The following PCSK6 variants were observed in gnomAD, a reference collection of about 807,000 sequenced individuals.
PCSK6 encodes proprotein convertase subtilisin/kexin type 6.
PCSK6 carries 85 observed loss-of-function variants against 123.3 expected under a neutral mutation model. The ratio of observed to expected loss-of-function variants is 0.69; its 90% CI spans 0.58 to 0.83. The LOEUF (loss-of-function observed/expected upper bound fraction) is 0.83, where lower values mean the gene tolerates loss of function less well. Among genes scored for constraint, PCSK6 ranks in the 40% least tolerant of loss-of-function variants. The pLI is 0.00. For synonymous variants in PCSK6, 508 were observed against 516.0 expected (o/e 0.98, Z 0.21); for missense variants, 1,191 against 1,282.3 (o/e 0.93, Z 1.09).
At chr15:101,395,954 C>A (rs577163587) in intron 7 of PCSK6, among the ~76,000 whole-genome samples, 1 of 152,168 alleles carries the variant, frequency 6.6e-6, no homozygotes, top group South Asian at 2.1e-4. Flanking sequence ...CTCTCACCGC[C>A]GGGCCACATC....
intron 13 of PCSK6, among the ~76,000 whole-genome samples, chr15:101,341,586 C>T (rs1189773921): frequency 6.6e-6 from 1 of 152,062 alleles, no homozygotes; most frequent in Non-Finnish European, 1.5e-5. Flanking sequence ...TTTTAAAGTG[C>T]TGGAATAAAT....
At chr15:101,317,113 T>C (rs140920800) in intron 19 of PCSK6, among the ~76,000 whole-genome samples, 195 of 152,240 alleles carry the variant, frequency 1.3e-3, no homozygotes, top group African/African-American at 4.1e-3. Context: ...GGTTTCACCA[T>C]GTTGGCCAGG....
At chr15:101,375,707 C>T (rs546574337) in intron 11 of PCSK6, among the ~76,000 whole-genome samples, 3 of 152,132 alleles carry the variant, frequency 2.0e-5, no homozygotes, top group African/African-American at 7.2e-5. Context: ...CAAGGCAACA[C>T]CGCCTGTTGG....
intron 1 of PCSK6, among the ~76,000 whole-genome samples, chr15:101,447,591 G>A (rs7179810): frequency 0.03 from 4,591 of 152,304 alleles, 221 homozygotes; most frequent in African/African-American, 0.1. Flanking sequence ...CCTCTTCAGG[G>A]TCAAATGGAC....
chr15:101,489,625 G>A lies in PCSK6; in HGVS notation c.46C>T (p.Arg16Trp). Residue 16 changes from arginine (R) to tryptophan (W), a missense_variant, in exon 1 of 22, where the codon CGG (arginine) becomes TGG (tryptophan). Around this residue, in one of 3 missense-constraint regions of PCSK6, gnomAD observed 204 missense variants for 166.4 expected, o/e 1.23. Transcript: ENST00000611716. The stretch of plus-strand genomic sequence containing the variant: ...GCGGTGTCGGTGGCGGCGGCGGCCC[G>A]GGGCGGCGGCCGGGGCCCGGGCGCA... ...PPAPGPRPPP[R>W]AAAATDTAAG... The A allele has an allele frequency of 2.1e-6, 2 of 973,096 alleles. No individual in the cohort carries two copies. The highest frequency in any genetic ancestry group is 2.4e-6 in the Non-Finnish European group (2 of 824,082). 60.3% of individuals were successfully genotyped at this position (973,096 alleles called of 1,614,324 possible).
intron 13 of PCSK6, among the ~76,000 whole-genome samples, chr15:101,352,920 G>A (rs1406363453): frequency 2.0e-5 from 3 of 152,160 alleles, no homozygotes; most frequent in Non-Finnish European, 2.9e-5. Context: ...TCTATTCCAA[G>A]TACCTATTGC....
intron 2 of PCSK6, among the ~76,000 whole-genome samples, chr15:101,441,313 G>C (rs1363104423): frequency 2.0e-5 from 3 of 152,058 alleles, no homozygotes; most frequent in Admixed American, 2.0e-4. Context: ...AGCAGCTCAG[G>C]TGCTGCAGAG....
rs34631529 is a variant in PCSK6, at chr15:101,305,277, G to A, written c.2891C>T (p.Thr964Met). 6,758 of 1,611,692 alleles carry A rather than the reference G, an allele frequency of 4.2e-3. 20 individuals carry two copies. Among genetic ancestry groups the A allele is most frequent in the Non-Finnish European group, 5.0e-3 (5,896 of 1,179,562 alleles). Residue 964 changes from threonine (T) to methionine (M), a missense_variant, in exon 22 of 22, where the codon ACG becomes ATG. By Grantham distance (81) the Thr-to-Met change is moderately conservative. This residue lies in a region of PCSK6 where 630 missense variants were observed against 631.4 expected (regional missense o/e 1.00). Transcript: ENST00000611716. The surrounding 1 kb of genome is among the most constrained non-coding windows in gnomAD (Gnocchi z 4.8). ...RKLFIQFCCR[T>M]CLLAG ...GCACCCTTACCCGGCCAGGAGGCAC[G>A]TGCGGCAGCAGAACTGAATGAAGAG...
chr15:101,313,029 A>C, intron 20 of PCSK6: 1 of 1,185,882 alleles, frequency 8.4e-7, no homozygotes, highest in South Asian at 1.8e-5. Flanking sequence ...TTTAACCCAA[A>C]ACATGGTTTC....
chr15:101,375,388 T>C (rs1209568177), intron 11 of PCSK6, among the ~76,000 whole-genome samples: 2 of 152,218 alleles, frequency 1.3e-5, no homozygotes, highest in African/African-American at 2.4e-5. Flanking sequence ...GGTGCTTTAA[T>C]ATGTCATGCT....
intron 1 of PCSK6, among the ~76,000 whole-genome samples, chr15:101,449,893 GCA>G (rs1257564819): frequency 1.3e-5 from 2 of 152,116 alleles, no homozygotes; most frequent in Non-Finnish European, 2.9e-5. Flanking sequence ...GGGGTCCCAA[GCA>G]CGTGGCCCCA....
intron 13 of PCSK6, 109 bp from the exon 14 acceptor site, chr15:101,332,140 C>A (rs2040384807): frequency 1.0e-6 from 1 of 983,104 alleles, no homozygotes; most frequent in African/African-American, 1.6e-5. Flanking sequence ...GGGCTCTGGC[C>A]TGCTACCTTC....
At chr15:101,397,459 A>T (rs554668837) in intron 7 of PCSK6, among the ~76,000 whole-genome samples, 1 of 152,140 alleles carries the variant, frequency 6.6e-6, no homozygotes, top group Non-Finnish European at 1.5e-5. Flanking sequence ...ATTTTAAACG[A>T]TATAAATTTA....
chr15:101,382,099 T>A lies in PCSK6; in HGVS notation c.1525A>T (p.Arg509Ter), dbSNP rs2041924766. The A allele has an allele frequency of 6.2e-7, 1 of 1,603,774 alleles. No individual in the cohort carries two copies. ...GCCACAGCAGAGCCTTACCTGGGTC[T>A]CTTGTCCGAGGCGGCCACACACATG... The part of the protein sequence containing the change: ...QHMCVAASDK[R>*]PRSIPLVQVL... Residue 509 changes from arginine (R) to a stop codon, truncating the protein, a stop_gained, in exon 11 of 22, where the codon AGA becomes TGA. Transcript: ENST00000611716. LOFTEE classifies it high-confidence loss of function.
chr15:101,394,851 C>T (rs774635049), intron 7 of PCSK6, among the ~76,000 whole-genome samples: 3 of 152,218 alleles, frequency 2.0e-5, no homozygotes, highest in African/African-American at 4.8e-5. Context: ...GCTCACGCAG[C>T]CCCGCTGCTT....
intron 1 of PCSK6, among the ~76,000 whole-genome samples, chr15:101,463,489 G>C (rs971464648): frequency 6.6e-6 from 1 of 152,184 alleles, no homozygotes; most frequent in Non-Finnish European, 1.5e-5. Context: ...CTTGGGAACC[G>C]GTCTAGTGAC....
At chr15:101,414,002 A>C (rs1408560320) in intron 6 of PCSK6, among the ~76,000 whole-genome samples, 1 of 152,242 alleles carries the variant, frequency 6.6e-6, no homozygotes, top group African/African-American at 2.4e-5. Flanking sequence ...AAAAACGTAT[A>C]CTGTACAACC....
intron 1 of PCSK6, among the ~76,000 whole-genome samples, chr15:101,479,531 G>T (rs1157489260): frequency 1.3e-5 from 2 of 152,212 alleles, no homozygotes; most frequent in Non-Finnish European, 2.9e-5. Context: ...GCCATGGGCT[G>T]GGTGGCAGGG....
intron 1 of PCSK6, among the ~76,000 whole-genome samples, chr15:101,453,683 G>A (rs533558577): frequency 6.6e-6 from 1 of 152,310 alleles, no homozygotes; most frequent in African/African-American, 2.4e-5. Flanking sequence ...GCAGCCTGTC[G>A]CCTGGAAAGT....
Sources: gnomAD v4.1 joint callset for allele counts (sites outside exome capture counted in the v4.1 genomes callset) on GRCh38, gnomAD v4.1.1 for gene constraint, gnomAD v4.1.1 regional missense constraint, Gnocchi (gnomAD v3.1) non-coding constraint, MANE v1.5 for transcripts, NCBI Gene and HGNC (gene_info 2026-07-23, HGNC 2026-07-21) for gene names.